Variants in TRAF3IP2 observed in about 807,000 individuals in gnomAD.
The protein encoded by TRAF3IP2 is E3 ubiquitin ligase TRAF3IP2.
A neutral mutation model predicts 57.9 loss-of-function variants in TRAF3IP2; 35 were observed. That is an observed-to-expected ratio of 0.60 (90% CI 0.46 to 0.80). The LOEUF (loss-of-function observed/expected upper bound fraction) is 0.80, where lower values mean the gene tolerates loss of function less well. TRAF3IP2 is among the 30% of genes least tolerant of loss of function. TRAF3IP2 has a pLI of 0.00. For missense variants in TRAF3IP2, 556 were observed against 706.4 expected (o/e 0.79, Z 2.41); for synonymous variants, 251 against 268.9 (o/e 0.93, Z 0.65).
chr6:111,572,834 G>T (rs1263525068), intron 5 of TRAF3IP2, 61 bp downstream of exon 5: 2 of 1,312,464 alleles, frequency 1.5e-6, no homozygotes, highest in Admixed American at 1.8e-5. Context: ...TTCTTCTGCT[G>T]CTTTTCTCTC....
Position 111,575,790 on chromosome 6 carries a change from C to T in TRAF3IP2, c.1054G>A (p.Ala352Thr). ...DQPHHQPPNR[A>T]GAPGESLECP... The stretch of plus-strand genomic sequence containing the variant: ...TCCAAGGACTCCCCAGGAGCACCAG[C>T]TCTATTAGGTGGCTGGTGATGTGGC... Residue 352 changes from alanine to threonine, a missense_variant, in exon 4 of 9, where the codon GCT becomes ACT. Coordinates refer to ENST00000368761, the MANE Select transcript of TRAF3IP2 (RefSeq NM_147686.4). The T allele has an allele frequency of 6.2e-7, 1 of 1,609,362 alleles. No individual in the cohort carries two copies. The highest frequency in any genetic ancestry group is 8.5e-7 in the Non-Finnish European group (1 of 1,178,570).
intron 1 of TRAF3IP2, chr6:111,601,140 G>A (rs372292186): frequency 1.6e-5 from 12 of 736,452 alleles, no homozygotes; most frequent in Non-Finnish European, 2.1e-5. Flanking sequence ...AAGGGGATGG[G>A]GAAGCCACAT....
intron 1 of TRAF3IP2, among the ~76,000 whole-genome samples, chr6:111,596,508 C>T (rs1290785900): frequency 6.6e-6 from 1 of 152,180 alleles, no homozygotes; most frequent in Non-Finnish European, 1.5e-5. Context: ...GGTTGGAGTG[C>T]AGTGGCACAA....
chr6:111,600,127 A>G (rs1196285716), intron 1 of TRAF3IP2: 1 of 152,230 alleles, frequency 6.6e-6, no homozygotes, highest in Non-Finnish European at 1.5e-5. Flanking sequence ...TGTTGAATGT[A>G]GAGCCTGGCA....
intron 1 of TRAF3IP2, chr6:111,600,718 G>A (rs1796837240): frequency 2.0e-5 from 3 of 152,362 alleles, no homozygotes; most frequent in Admixed American, 2.0e-4. Context: ...ACAGGTCATG[G>A]TAACCATTGG....
intron 1 of TRAF3IP2, chr6:111,601,484 G>A (rs141227194): frequency 3.4e-5 from 12 of 348,740 alleles, no homozygotes; most frequent in East Asian, 3.0e-4. Flanking sequence ...AGGCAAGGAC[G>A]GATGGGATTT....
intron 1 of TRAF3IP2, among the ~76,000 whole-genome samples, chr6:111,603,163 A>G (rs1796926597): frequency 6.6e-6 from 1 of 151,130 alleles, no homozygotes. Context: ...AGCCAAGCAC[A>G]TGTGTGCTTC....
chr6:111,555,877 A>G lies in TRAF3IP2; in HGVS notation c.*3528T>C, dbSNP rs1166564545. 6.6e-6 allele frequency among the ~76,000 whole-genome samples: 1 copy of G among 151,874 alleles called. No homozygotes were observed. Among genetic ancestry groups the G allele is most frequent in the Non-Finnish European group, 1.5e-5 (1 of 67,964 alleles). On this transcript the variant is annotated 3_prime_UTR_variant, in exon 9 of 9. Transcript: ENST00000368761. ...CCAGCAATTTGGGAGGCCGAGGCGG[A>G]TGGATCACGAGGTCAGGAGATCAAG...
At position 111,591,462 on chromosome 6, in the gene TRAF3IP2, T is replaced by C; in HGVS notation, c.625A>G (p.Ile209Val). The C allele has an allele frequency of 4.4e-6, 7 of 1,596,388 alleles. No individual in the cohort carries two copies. The highest frequency in any genetic ancestry group is 6.0e-6 in the Non-Finnish European group (7 of 1,169,370). The change falls in exon 2 of 9, where the codon ATC (isoleucine) becomes GTC (valine). Residue 209 changes from isoleucine to valine, a missense_variant. Coordinates refer to ENST00000368761, the MANE Select transcript of TRAF3IP2 (RefSeq NM_147686.4). This position sits in a 1 kb window ranked among gnomAD's most constrained non-coding sequence, Gnocchi z 4.9. ...GGCAGGGGCCTTTCCAGCTGCCTGATGCCCAGGACATCCTGGGGCTGGGAA... is the reference window on the plus strand; with the variant it reads ...GGCAGGGGCCTTTCCAGCTGCCTGACGCCCAGGACATCCTGGGGCTGGGAA... ...YDSQPQDVLG[I>V]RQLERPLPLT...
At chr6:111,567,522 C>T (rs1326023675) in intron 6 of TRAF3IP2, 102 bp downstream of exon 6, 1 of 1,369,142 alleles carries the variant, frequency 7.3e-7, no homozygotes, top group African/African-American at 1.5e-5. Context: ...TTCTCAGCTT[C>T]AGACTTAGGT....
intron 2 of TRAF3IP2, among the ~76,000 whole-genome samples, chr6:111,589,192 C>G (rs1796429460): frequency 6.7e-6 from 1 of 149,794 alleles, no homozygotes; most frequent in Non-Finnish European, 1.5e-5. Context: ...TCCCGAGTAG[C>G]TGGGATTACA....
intron 1 of TRAF3IP2, among the ~76,000 whole-genome samples, chr6:111,602,462 G>A (rs1796904438): frequency 6.6e-6 from 1 of 152,172 alleles, no homozygotes. Context: ...AAGAGAGGAA[G>A]AGGAAGGGAG....
intron 2 of TRAF3IP2, among the ~76,000 whole-genome samples, chr6:111,590,324 T>C (rs1391679258): frequency 6.6e-6 from 1 of 152,152 alleles, no homozygotes; most frequent in African/African-American, 2.4e-5. Context: ...TTAGATGCCA[T>C]GCTGGTGTTA....
intron 1 of TRAF3IP2, chr6:111,601,123 G>T: frequency 1.4e-6 from 1 of 711,334 alleles, no homozygotes; most frequent in South Asian, 1.5e-5. Context: ...GCTATTGGGA[G>T]GGAAGAAAGG....
intron 5 of TRAF3IP2, among the ~76,000 whole-genome samples, chr6:111,568,783 CTACTT>C (rs1795738001): frequency 6.6e-6 from 1 of 152,176 alleles, no homozygotes; most frequent in South Asian, 2.1e-4. Flanking sequence ...CATATCCTGT[CTACTT>C]TACTCCCCAC....
chr6:111,595,356 C>A (rs1796648989), intron 1 of TRAF3IP2, among the ~76,000 whole-genome samples: 1 of 152,156 alleles, frequency 6.6e-6, no homozygotes, highest in African/African-American at 2.4e-5. Context: ...CTTTAAAAAA[C>A]AAAATGGACC....
Position 111,591,505 on chromosome 6 carries a change from G to C in TRAF3IP2, c.582C>G (p.Thr194=). ...HRNRAGLDLP[T]IDTGYDSQPQ... The stretch of plus-strand genomic sequence containing the variant: ...GCTGGGAATCATATCCCGTGTCTAT[G>C]GTTGGCAGATCCAGGCCTGCTCGGT... Residue 194 remains threonine (T), a synonymous_variant, in exon 2 of 9, where the codon ACC becomes ACG. Transcript: ENST00000368761. The surrounding 1 kb of genome is among the most constrained non-coding windows in gnomAD (Gnocchi z 4.9). 1 of 1,612,162 alleles carries C rather than the reference G, an allele frequency of 6.2e-7. No individual in the cohort carries two copies. The highest frequency in any genetic ancestry group is 8.5e-7 in the Non-Finnish European group (1 of 1,178,442).
chr6:111,557,201 A>G lies in TRAF3IP2; in HGVS notation c.*2204T>C, dbSNP rs1795267940. 6.6e-6 allele frequency: 1 copy of G among 152,108 alleles called. No individual in the cohort carries two copies. The highest frequency in any genetic ancestry group is 2.4e-5 in the African/African-American group (1 of 41,420). The allele number at this position is 152,108 out of a possible 1,614,324, so 9.4% of individuals were successfully genotyped here. A position where few individuals can be genotyped will look rare whatever the true frequency, so the allele number is the denominator to read the frequency against. On this transcript the variant is annotated 3_prime_UTR_variant, in exon 9 of 9. Transcript: ENST00000368761. ...AGCCTTGTTTAAGAGGCTAGTAGAT[A>G]AAGAAGGGAAGCAGTAGCTTGCAGC...
In TRAF3IP2 at chr6:111,596,379, A is replaced by G. The variant is rs1028942030; in HGVS notation, c.-8-4285T>C. The stretch of plus-strand genomic sequence containing the variant: ...TAGATCATGGTTCACTGCAGCCTCA[A>G]ACTCCTGGGCTCAAGTGATCCTCCC... On this transcript the variant is annotated intron_variant, in intron 1 of 8. Coordinates refer to ENST00000368761, the MANE Select transcript of TRAF3IP2 (RefSeq NM_147686.4). Among the ~76,000 whole-genome samples the G allele has an allele frequency of 3.9e-5, 6 of 152,014 alleles. 1 individual carries two copies. The South Asian group carries it at 1.2e-3, about 32-fold the overall frequency.
Sources: allele counts gnomAD v4.1 joint callset (sites outside exome capture counted in the v4.1 genomes callset), GRCh38; gene constraint gnomAD v4.1.1; non-coding constraint Gnocchi (gnomAD v3.1); transcripts MANE v1.5; gene names NCBI Gene and HGNC (gene_info 2026-07-23, HGNC 2026-07-21).